The following POLR1D variants were observed in gnomAD, a reference collection of about 807,000 sequenced individuals.
POLR1D encodes the protein DNA-directed RNA polymerases I and III subunit RPAC2.
A neutral mutation model predicts 10.8 loss-of-function variants in POLR1D; 8 were observed. The ratio of observed to expected loss-of-function variants is 0.74; its 90% CI spans 0.43 to 1.33. POLR1D has a LOEUF of 1.33. Among genes scored for constraint, POLR1D ranks in the 40% most tolerant of loss-of-function variants. POLR1D has a pLI of 0.01. For synonymous variants in POLR1D, 54 were observed against 57.2 expected (o/e 0.94, Z 0.25); for missense variants, 152 against 161.7 (o/e 0.94, Z 0.32).
rs1182905872 is a variant in POLR1D, at chr13:27,633,535, A to C, written c.26+11526A>C. 2.0e-5 allele frequency among the ~76,000 whole-genome samples: 3 copies of C among 152,334 alleles called. No individual in the cohort carries two copies. The East Asian group carries it at 5.8e-4, about 29-fold the overall frequency. On this transcript the variant is annotated intron_variant, in intron 1 of 2. Coordinates refer to the POLR1D transcript ENST00000399697. ...AAAATTGCCAGAAATCCTAGTCTTT[A>C]TTTAGGTGACCTGAAGCACTTGAAG...
rs149030902 is a variant in POLR1D at position 27,665,167 on chromosome 13, G to T, written c.102-519G>T. 879 of 155,630 alleles carry T rather than the reference G, an allele frequency of 5.6e-3. 3 individuals carry two copies. The highest frequency in any genetic ancestry group is 9.2e-3 in the Non-Finnish European group (643 of 70,134). 9.6% of individuals were successfully genotyped at this position (155,630 alleles called of 1,614,324 possible). On this transcript the variant is annotated intron_variant, in intron 2 of 2. Transcript: ENST00000399697. ...AGTGTAAGAATTTTTTTAAGTAAAA[G>T]ATTATTGCATATTTATGGATTCTTT...
At chr13:27,641,117 G>A (rs932904440) in intron 1 of POLR1D, among the ~76,000 whole-genome samples, 16 of 152,208 alleles carry the variant, frequency 1.1e-4, no homozygotes, top group Admixed American at 6.5e-4. Context: ...ACAGAGGGCC[G>A]ATTGTACACT....
upstream of POLR1D, chr13:27,621,839 C>T (rs896246377): frequency 5.0e-5 from 41 of 819,204 alleles, no homozygotes; most frequent in Admixed American, 1.3e-4. Context: ...CCCTGCCGCG[C>T]CGCTGCGGCT....
downstream of POLR1D, among the ~76,000 whole-genome samples, chr13:27,625,129 A>G (rs1955995843): frequency 6.6e-6 from 1 of 152,158 alleles, no homozygotes; most frequent in Admixed American, 6.5e-5. Context: ...ATATTGAACA[A>G]AGATTTGCAT....
At chr13:27,632,264 C>T (rs1956081312) in intron 1 of POLR1D, among the ~76,000 whole-genome samples, 2 of 152,134 alleles carry the variant, frequency 1.3e-5, no homozygotes, top group Non-Finnish European at 2.9e-5. Flanking sequence ...CTTATCCCCA[C>T]AGAACTCTAG....
chr13:27,663,391 C>T lies in POLR1D; in HGVS notation c.102-2295C>T, dbSNP rs995560288. On this transcript the variant is annotated intron_variant, in intron 2 of 2. Transcript: ENST00000399697. This position sits in a 1 kb window ranked among gnomAD's most constrained non-coding sequence, Gnocchi z 4.1. Reference sequence around the variant, plus strand: ...AGAATAGAATCCCAGGCATAACCAACATTAAAAAACTGCATCTCTGATGTT... The same window carrying T: ...AGAATAGAATCCCAGGCATAACCAATATTAAAAAACTGCATCTCTGATGTT... Among the ~76,000 whole-genome samples, 1 of 152,152 alleles carries T rather than the reference C, an allele frequency of 6.6e-6. No homozygotes were observed. Among genetic ancestry groups the T allele is most frequent in the Non-Finnish European group, 1.5e-5 (1 of 68,028 alleles).
intron 2 of POLR1D, among the ~76,000 whole-genome samples, chr13:27,659,349 A>G (rs535213871): frequency 7.2e-4 from 109 of 152,308 alleles, no homozygotes; most frequent in African/African-American, 2.6e-3. Context: ...GTTAGAACCA[A>G]TGAGGAGGGG....
intron 1 of POLR1D, among the ~76,000 whole-genome samples, chr13:27,642,226 T>C (rs541823473): frequency 1.5e-4 from 23 of 152,342 alleles, no homozygotes; most frequent in African/African-American, 5.5e-4. Context: ...TCTGAAACCT[T>C]GCTGAGATTT....
At chr13:27,633,875 T>C (rs534683594) in intron 1 of POLR1D, among the ~76,000 whole-genome samples, 2 of 152,338 alleles carry the variant, frequency 1.3e-5, no homozygotes, top group East Asian at 1.9e-4. Context: ...TGTGTTGCTG[T>C]TGTTGTTTCC....
rs538820523 is a variant in POLR1D, at chr13:27,655,383, A to G, written c.101+6930A>G. The stretch of plus-strand genomic sequence containing the variant: ...CATGCATAACCACATTGTAATTACC[A>G]TATCAATGAAATTAATGTATAATTT... On this transcript the variant is annotated intron_variant, in intron 2 of 2. Coordinates refer to the POLR1D transcript ENST00000399697. Among the ~76,000 whole-genome samples, 3 of 152,330 alleles carry G rather than the reference A, an allele frequency of 2.0e-5. No individual in the cohort carries two copies. The East Asian group carries it at 5.8e-4, about 29-fold the overall frequency.
At position 27,665,871 on chromosome 13, in the gene POLR1D, G is replaced by A. The variant is rs768190130; in HGVS notation, c.287G>A (p.Arg96His). ...AGCCATCCTTACAAGCACAGCTTCCGCGCTCGAGGTTCCGCCAGTTACTCC... is the reference window on the plus strand; with the variant it reads ...AGCCATCCTTACAAGCACAGCTTCCACGCTCGAGGTTCCGCCAGTTACTCC... Residue 96 changes from arginine to histidine, a missense_variant, in exon 3 of 3, where the codon CGC (arginine) becomes CAC (histidine). Physicochemically the swap from Arg to His is conservative, Grantham distance 29 (BLOSUM62 0). Transcript: ENST00000399697. The A allele has an allele frequency of 6.2e-6, 10 of 1,614,142 alleles. No homozygotes were observed. In the East Asian group the frequency reaches 1.8e-4, roughly 29 times the overall value.
At chr13:27,650,238 A>G (rs117533908) in intron 2 of POLR1D, 1 of 391,548 alleles carries the variant, frequency 2.6e-6, no homozygotes, top group East Asian at 3.6e-5. Flanking sequence ...GTTTCATTAA[A>G]TAGGTTTGAA....
At chr13:27,650,351 A>C (rs1258575339) in intron 2 of POLR1D, 2 of 303,644 alleles carry the variant, frequency 6.6e-6, no homozygotes, top group Non-Finnish European at 1.2e-5. Flanking sequence ...GTTTTTATTG[A>C]GGTTTCATTA....
downstream of POLR1D, among the ~76,000 whole-genome samples, chr13:27,625,990 G>A (rs1440474093): frequency 6.6e-6 from 1 of 152,238 alleles, no homozygotes; most frequent in Non-Finnish European, 1.5e-5. Context: ...GACATTGGAA[G>A]AGGTGAGTTT....
At chr13:27,622,383 G>C in intron 1 of POLR1D, 1 of 346,206 alleles carries the variant, frequency 2.9e-6, no homozygotes, top group Non-Finnish European at 5.3e-6. Context: ...TGTGCGCTGA[G>C]CTCTTTTTCT....
intron 2 of POLR1D, among the ~76,000 whole-genome samples, chr13:27,660,627 C>T (rs1053409808): frequency 3.9e-5 from 6 of 152,224 alleles, no homozygotes; most frequent in Non-Finnish European, 7.3e-5. Context: ...TGTGCATCTG[C>T]TGCTTCATGC....
chr13:27,641,469 TTCTG>T (rs141032230), intron 1 of POLR1D, among the ~76,000 whole-genome samples: 15,380 of 152,170 alleles, frequency 0.1, 829 homozygotes, highest in Non-Finnish European at 0.11. Flanking sequence ...TACGAAATAT[TTCTG>T]TCTTTCCACA....
chr13:27,653,468 T>G (rs1956284426), intron 2 of POLR1D, among the ~76,000 whole-genome samples: 1 of 152,094 alleles, frequency 6.6e-6, no homozygotes, highest in Admixed American at 6.5e-5. Context: ...AAGAGGTGGA[T>G]CCCGTGGGAG....
chr13:27,625,605 C>A (rs1365572535), downstream of POLR1D, among the ~76,000 whole-genome samples: 1 of 151,026 alleles, frequency 6.6e-6, no homozygotes, highest in Non-Finnish European at 1.5e-5. Flanking sequence ...TGGAAGAGAT[C>A]TAAGCTGGAG....
Sources: gnomAD v4.1 joint callset for allele counts (sites outside exome capture counted in the v4.1 genomes callset) on GRCh38, gnomAD v4.1.1 for gene constraint, Gnocchi (gnomAD v3.1) non-coding constraint, MANE v1.5 for transcripts, NCBI Gene and HGNC (gene_info 2026-07-23, HGNC 2026-07-21) for gene names.